TTC23: variants seen among roughly 807,000 people sequenced by gnomAD.
TTC23 encodes tetratricopeptide repeat protein 23.
A neutral mutation model predicts 55.1 loss-of-function variants in TTC23; 58 were observed. The observed-to-expected ratio is 1.05, with a 90% CI of 0.85 to 1.31. The LOEUF (loss-of-function observed/expected upper bound fraction) is 1.31, where lower values mean the gene tolerates loss of function less well. TTC23 is among the 50% of genes most tolerant of loss of function. TTC23 has a pLI of 0.00. For synonymous variants in TTC23, 203 were observed against 199.9 expected, an observed-to-expected ratio of 1.02 and a Z score of -0.13; for missense variants, 516 against 534.4, an observed-to-expected ratio of 0.97 and a Z score of 0.34.
chr15:99,208,500 AT>A (rs2152018275), intron 8 of TTC23, among the ~76,000 whole-genome samples: 1 of 152,226 alleles, frequency 6.6e-6, no homozygotes, highest in South Asian at 2.1e-4. Context: ...TGTCTAAAAT[AT>A]TTTATTAAAA....
chr15:99,234,204 CTCT>C (rs999265335), intron 4 of TTC23, among the ~76,000 whole-genome samples: 1 of 152,046 alleles, frequency 6.6e-6, no homozygotes, highest in African/African-American at 2.4e-5. Flanking sequence ...TAAATTTTTG[CTCT>C]TCAAGAGAAA....
chr15:99,226,685 G>T (rs2078453056), intron 5 of TTC23, among the ~76,000 whole-genome samples: 1 of 152,042 alleles, frequency 6.6e-6, no homozygotes, highest in Non-Finnish European at 1.5e-5. Flanking sequence ...CTACCCTGTA[G>T]ATTTATGTGT....
chr15:99,200,301 G>A (rs1182313529), intron 8 of TTC23, among the ~76,000 whole-genome samples: 2 of 152,116 alleles, frequency 1.3e-5, no homozygotes. Context: ...TCAAGTCCTG[G>A]CTTCACCACT....
chr15:99,181,419 T>C (rs1399267285), intron 9 of TTC23, among the ~76,000 whole-genome samples: 9 of 152,036 alleles, frequency 5.9e-5, no homozygotes, highest in Non-Finnish European at 1.5e-5. Flanking sequence ...CGGCAGATGG[T>C]GGATAGAGAA....
chr15:99,173,883 T>G (rs922505277), intron 10 of TTC23, among the ~76,000 whole-genome samples: 5 of 152,226 alleles, frequency 3.3e-5, no homozygotes, highest in Non-Finnish European at 5.9e-5. Flanking sequence ...CTGTAGACAT[T>G]TAGATTTGTG....
chr15:99,172,193 T>C (rs77708323), intron 10 of TTC23, among the ~76,000 whole-genome samples: 13,840 of 151,950 alleles, frequency 0.091, 951 homozygotes, highest in East Asian at 0.28. Context: ...AATTTTTGTA[T>C]TTTCAGTAGA....
intron 8 of TTC23, among the ~76,000 whole-genome samples, chr15:99,215,708 C>T (rs2077426934): frequency 6.6e-6 from 1 of 151,848 alleles, no homozygotes; most frequent in Non-Finnish European, 1.5e-5. Flanking sequence ...GACCCCACCA[C>T]TGTACTCCAG....
intron 12 of TTC23, chr15:99,145,383 A>C (rs1039636451): frequency 3.3e-5 from 5 of 152,262 alleles, no homozygotes; most frequent in Admixed American, 6.5e-5. Flanking sequence ...TAAGAGCTAC[A>C]AAAGAAAAAA....
chr15:99,165,999 C>T (rs1033434629), intron 10 of TTC23, among the ~76,000 whole-genome samples: 3 of 152,138 alleles, frequency 2.0e-5, no homozygotes, highest in South Asian at 2.1e-4. Context: ...AAGGTCTTTC[C>T]GCATCTCAGC....
chr15:99,225,285 G>C (rs905590280), intron 5 of TTC23, among the ~76,000 whole-genome samples: 1 of 152,174 alleles, frequency 6.6e-6, no homozygotes, highest in East Asian at 1.9e-4. Flanking sequence ...ACCAGTTCCA[G>C]TGACTTTAGC....
At chr15:99,199,874 C>T (rs753689121) in intron 9 of TTC23, 45 bp downstream of exon 9, 1 of 1,537,338 alleles carries the variant, frequency 6.5e-7, no homozygotes, top group Non-Finnish European at 8.8e-7. Flanking sequence ...CTATGAAAAG[C>T]ATTGGGCCTA....
chr15:99,246,680 G>A (rs980163546), intron 1 of TTC23, among the ~76,000 whole-genome samples: 51 of 151,992 alleles, frequency 3.4e-4, no homozygotes, highest in Non-Finnish European at 7.4e-5. Context: ...CAGCACTTTG[G>A]GAGGCCAAGG....
At chr15:99,167,084 A>T (rs1281522798) in intron 10 of TTC23, among the ~76,000 whole-genome samples, 1 of 152,136 alleles carries the variant, frequency 6.6e-6, no homozygotes, top group Non-Finnish European at 1.5e-5. Context: ...ATTGAGTCCT[A>T]TTACTACAGC....
chr15:99,173,664 G>A (rs1323770696), intron 10 of TTC23, among the ~76,000 whole-genome samples: 2 of 152,010 alleles, frequency 1.3e-5, no homozygotes, highest in African/African-American at 2.4e-5. Context: ...CTTAAAAAAG[G>A]AGCTCTGCCA....
intron 8 of TTC23, among the ~76,000 whole-genome samples, chr15:99,203,109 A>G (rs1360441923): frequency 9.9e-5 from 15 of 152,196 alleles, no homozygotes; most frequent in African/African-American, 3.4e-4. Flanking sequence ...GGAAAGTCCA[A>G]ATAATAGGCA....
chr15:99,242,938 G>A (rs2079933253), intron 2 of TTC23, among the ~76,000 whole-genome samples: 1 of 152,124 alleles, frequency 6.6e-6, no homozygotes, highest in African/African-American at 2.4e-5. Flanking sequence ...CAGTGGTCTG[G>A]GGAAAGAATT....
At chr15:99,231,116 C>T (rs1020115488) in intron 4 of TTC23, among the ~76,000 whole-genome samples, 3 of 152,192 alleles carry the variant, frequency 2.0e-5, no homozygotes, top group Admixed American at 6.5e-5. Context: ...GGTGGTAATG[C>T]TGGTGCAAAC....
chr15:99,144,011 T>C (rs2068538252), intron 12 of TTC23, among the ~76,000 whole-genome samples: 2 of 152,178 alleles, frequency 1.3e-5, no homozygotes, highest in Admixed American at 1.3e-4. Flanking sequence ...GAAGTTCCAC[T>C]GGGTGTGTGG....
At chr15:99,250,839 A>G (rs1171302815), upstream of TTC23, among the ~76,000 whole-genome samples, 1 of 152,136 alleles carries the variant, frequency 6.6e-6, no homozygotes, top group African/African-American at 2.4e-5. Context: ...TTTGTTATCT[A>G]CCAGTTCGTA....
Sources: gnomAD v4.1 joint callset for allele counts (sites outside exome capture counted in the v4.1 genomes callset) on GRCh38, gnomAD v4.1.1 for gene constraint, MANE v1.5 for transcripts, NCBI Gene and HGNC (gene_info 2026-07-23, HGNC 2026-07-21) for gene names.